Variants in PITPNM2 observed in about 807,000 individuals in gnomAD.
PITPNM2 encodes membrane-associated phosphatidylinositol transfer protein 2.
A neutral mutation model predicts 132.2 loss-of-function variants in PITPNM2; 35 were observed. That is an observed-to-expected ratio of 0.26 (90% CI 0.20 to 0.35). The LOEUF (loss-of-function observed/expected upper bound fraction) is 0.35, where lower values mean the gene tolerates loss of function less well. Ranked by LOEUF, PITPNM2 falls within the 10% of genes least tolerant of loss-of-function variation. PITPNM2 has a pLI of 1.00. For synonymous variants in PITPNM2, 738 were observed against 799.2 expected (o/e 0.92, Z 1.29); for missense variants, 1,332 against 1,912.0 (o/e 0.70, Z 5.66).
At chr12:123,122,063 C>T (rs972585617) in intron 1 of PITPNM2, among the ~76,000 whole-genome samples, 16 of 152,142 alleles carry the variant, frequency 1.1e-4, no homozygotes, top group African/African-American at 3.9e-4. Flanking sequence ...TCATCACTGC[C>T]ATCTACCTCC....
chr12:123,147,657 G>C (rs2043645334), intron 1 of PITPNM2, among the ~76,000 whole-genome samples: 1 of 152,142 alleles, frequency 6.6e-6, no homozygotes, highest in Admixed American at 6.5e-5. Flanking sequence ...ATCACATTGT[G>C]TGCTGAGCAG....
chr12:123,107,396 G>A (rs1407979086), intron 2 of PITPNM2, among the ~76,000 whole-genome samples: 2 of 152,150 alleles, frequency 1.3e-5, no homozygotes, highest in African/African-American at 4.8e-5. Flanking sequence ...TCCTCTTTAA[G>A]GCAGACCCCT....
intron 3 of PITPNM2, among the ~76,000 whole-genome samples, chr12:123,030,153 C>G (rs921716725): frequency 1.3e-5 from 2 of 151,930 alleles, no homozygotes; most frequent in Admixed American, 1.3e-4. Flanking sequence ...GCAGAAGGAC[C>G]CTTGAGATAA....
Position 123,034,534 on chromosome 12 carries a change from G to C in PITPNM2, c.57C>G (p.Ile19Met). The C allele has an allele frequency of 3.1e-6, 5 of 1,614,160 alleles. No individual in the cohort carries two copies. The highest frequency in any genetic ancestry group is 4.2e-6 in the Non-Finnish European group (5 of 1,180,020). Residue 19 changes from isoleucine to methionine, a missense_variant, in exon 3 of 26, where the codon ATC becomes ATG. Around this residue, in one of 6 missense-constraint regions of PITPNM2, gnomAD observed 83 missense variants for 118.7 expected, o/e 0.70. Coordinates refer to ENST00000320201, the MANE Select transcript of PITPNM2 (RefSeq NM_020845.3). ...CCACCTGTATCATGTACAGCTGGGC[G>C]ATGCGGTACTCCTCCACGGTCATTG... Reference protein sequence around the residue: ...PLPMTVEEYRIAQLYMIQKKS... With the variant: ...PLPMTVEEYRMAQLYMIQKKS...
In PITPNM2 at chr12:122,985,207, G is replaced by A. The variant is rs1479669418; in HGVS notation, c.*820C>T. 2 of 152,446 alleles carry A rather than the reference G, an allele frequency of 1.3e-5. No homozygotes were observed. The highest frequency in any genetic ancestry group is 4.8e-5 in the African/African-American group (2 of 41,426). The allele number at this position is 152,446 out of a possible 1,614,324, so 9.4% of individuals were successfully genotyped here. ...AAAAGGAAGCAGCCAAGGATTGCTC[G>A]TTTAAAAAAACCTCATAGAAATCAG... On this transcript the variant is annotated 3_prime_UTR_variant, in exon 26 of 26. Coordinates refer to ENST00000320201, the MANE Select transcript of PITPNM2 (RefSeq NM_020845.3).
chr12:123,076,069 CACTAGCA>C, intron 2 of PITPNM2: 1 of 152,432 alleles, frequency 6.6e-6, no homozygotes, highest in African/African-American at 2.4e-5. Context: ...ATTTTCCGCT[CACTAGCA>C]AACCAAAACC....
At chr12:123,112,094 C>T (rs967831337) in intron 1 of PITPNM2, among the ~76,000 whole-genome samples, 2 of 152,124 alleles carry the variant, frequency 1.3e-5, no homozygotes, top group African/African-American at 4.8e-5. Flanking sequence ...GAAAAAAGCA[C>T]TCTCAGAACG....
Position 123,064,539 on chromosome 12 carries a change from G to C in PITPNM2, c.-95-29854C>G, listed in dbSNP as rs1407558850. On this transcript the variant is annotated intron_variant, in intron 2 of 25. Coordinates refer to ENST00000320201, the MANE Select transcript of PITPNM2 (RefSeq NM_020845.3). This position sits in a 1 kb window ranked among gnomAD's most constrained non-coding sequence, Gnocchi z 4.0. Reference sequence around the variant, plus strand: ...CGCACAGTCTGGCTCCTCTATCTTTGGCGGGGAGCCTGGGGCTATTTCGGG... The same window carrying C: ...CGCACAGTCTGGCTCCTCTATCTTTCGCGGGGAGCCTGGGGCTATTTCGGG... Among the ~76,000 whole-genome samples the C allele has an allele frequency of 6.6e-6, 1 of 152,190 alleles. No homozygotes were observed. The highest frequency in any genetic ancestry group is 1.5e-5 in the Non-Finnish European group (1 of 68,020).
chr12:123,127,891 G>A (rs1323876635), intron 1 of PITPNM2, among the ~76,000 whole-genome samples: 7 of 152,030 alleles, frequency 4.6e-5, no homozygotes, highest in Admixed American at 2.0e-4. Context: ...TTACAGGCAT[G>A]AGCCACCGCG....
At chr12:123,030,639 G>A (rs183190909) in intron 3 of PITPNM2, among the ~76,000 whole-genome samples, 51 of 151,800 alleles carry the variant, frequency 3.4e-4, no homozygotes, top group African/African-American at 1.2e-3. Flanking sequence ...CTTGCAGTGA[G>A]CTGAGATGAC....
chr12:123,130,305 C>T (rs148709334), intron 1 of PITPNM2, among the ~76,000 whole-genome samples: 538 of 152,166 alleles, frequency 3.5e-3, no homozygotes, highest in African/African-American at 0.012. Flanking sequence ...ACTTTCCTGG[C>T]CCACAATTAT....
At chr12:122,997,654 G>A in intron 10 of PITPNM2, 82 bp from the exon 11 acceptor site, 2 of 1,540,980 alleles carry the variant, frequency 1.3e-6, no homozygotes, top group East Asian at 2.3e-5. Context: ...TGTTGGGGGT[G>A]TGCCTCTTGC....
chr12:123,027,041 G>A (rs1054969688), intron 3 of PITPNM2, among the ~76,000 whole-genome samples: 2 of 152,172 alleles, frequency 1.3e-5, no homozygotes, highest in Non-Finnish European at 2.9e-5. Flanking sequence ...CACCAGTGGG[G>A]TGAGTGCCCA....
chr12:123,003,257 T>G (rs943914744), intron 8 of PITPNM2, among the ~76,000 whole-genome samples: 1 of 152,214 alleles, frequency 6.6e-6, no homozygotes, highest in African/African-American at 2.4e-5. Context: ...ATGGCTACTG[T>G]CTGGCTCTGG....
upstream of PITPNM2, among the ~76,000 whole-genome samples, chr12:123,151,513 G>A (rs1334585075): frequency 6.6e-6 from 1 of 152,190 alleles, no homozygotes; most frequent in Non-Finnish European, 1.5e-5. Context: ...GCAGCGGGCA[G>A]CTCACCGAAG....
rs899536715 is a variant in PITPNM2, at chr12:122,993,959, C to T, written c.2233+842G>A. ...CACAATCTTGGCTCACCGCAACCTC[C>T]GCCCTCCCGTGTTCAGGCGATTCTC... On this transcript the variant is annotated intron_variant, in intron 15 of 25. Transcript: ENST00000320201. This position sits in a 1 kb window ranked among gnomAD's most constrained non-coding sequence, Gnocchi z 5.2. 3.3e-5 allele frequency among the ~76,000 whole-genome samples: 5 copies of T among 152,198 alleles called. No homozygotes were observed. Among genetic ancestry groups the T allele is most frequent in the Middle Eastern group, 3.4e-3 (1 of 294 alleles).
At chr12:122,989,158 C>T (rs2038073817) in intron 18 of PITPNM2, among the ~76,000 whole-genome samples, 1 of 152,168 alleles carries the variant, frequency 6.6e-6, no homozygotes, top group East Asian at 1.9e-4. Flanking sequence ...TCTGTGGTCC[C>T]TTCCTGACTC....
At chr12:123,002,341 T>A (rs1011431380) in intron 8 of PITPNM2, among the ~76,000 whole-genome samples, 2 of 152,130 alleles carry the variant, frequency 1.3e-5, no homozygotes, top group African/African-American at 4.8e-5. Flanking sequence ...GTCTCAAAAA[T>A]AAATAAATAA....
intron 2 of PITPNM2, among the ~76,000 whole-genome samples, chr12:123,063,774 G>A (rs1467087082): frequency 1.3e-5 from 2 of 152,194 alleles, no homozygotes; most frequent in Admixed American, 1.3e-4. Context: ...ACATCAGAAT[G>A]GTGCTCTGAT....
Sources: gnomAD v4.1 joint callset for allele counts (sites outside exome capture counted in the v4.1 genomes callset) on GRCh38, gnomAD v4.1.1 for gene constraint, gnomAD v4.1.1 regional missense constraint, Gnocchi (gnomAD v3.1) non-coding constraint, MANE v1.5 for transcripts, NCBI Gene and HGNC (gene_info 2026-07-23, HGNC 2026-07-21) for gene names.